The following PITPNB variants were observed in gnomAD, a reference collection of about 807,000 sequenced individuals.
The protein encoded by PITPNB is phosphatidylinositol transfer protein beta.
In PITPNB, 16 loss-of-function variants were observed where a neutral mutation model predicts 45.9. The ratio of observed to expected loss-of-function variants is 0.35; its 90% CI spans 0.24 to 0.53. The LOEUF (loss-of-function observed/expected upper bound fraction) is 0.53, where lower values mean the gene tolerates loss of function less well. PITPNB is among the 20% of genes least tolerant of loss of function. The probability of loss-of-function intolerance (pLI) is 0.93; values close to 1 mark genes in which losing one functional copy is unlikely to be tolerated. For missense variants in PITPNB, 188 were observed against 330.5 expected, an observed-to-expected ratio of 0.57 and a Z score of 3.34; for synonymous variants, 112 against 108.9, an observed-to-expected ratio of 1.03 and a Z score of -0.18.
At chr22:27,875,378 C>T (rs534491039) in intron 7 of PITPNB, among the ~76,000 whole-genome samples, 2 of 152,326 alleles carry the variant, frequency 1.3e-5, no homozygotes, top group African/African-American at 4.8e-5. Context: ...GACTTACTTC[C>T]TATGTCTGGG....
At chr22:27,918,985 A>G (rs1379499420) in intron 1 of PITPNB, 187 bp downstream of exon 1, 2 of 809,356 alleles carry the variant, frequency 2.5e-6, no homozygotes, top group African/African-American at 3.5e-5. Context: ...TACCACGGCA[A>G]TGCCTGGAGG....
chr22:27,876,511 G>T (rs747661190), intron 7 of PITPNB, among the ~76,000 whole-genome samples: 1 of 152,164 alleles, frequency 6.6e-6, no homozygotes, highest in African/African-American at 2.4e-5. Flanking sequence ...TCTGTTTTAC[G>T]TTAGTTTGAA....
chr22:27,853,078 T>G lies in PITPNB; in HGVS notation c.*624A>C, dbSNP rs1190130010. 1.3e-5 allele frequency: 2 copies of G among 152,582 alleles called. No homozygotes were observed. Among genetic ancestry groups the G allele is most frequent in the Non-Finnish European group, 2.9e-5 (2 of 68,070 alleles). The allele number at this position is 152,582 out of a possible 1,614,324, so 9.5% of individuals were successfully genotyped here. On this transcript the variant is annotated 3_prime_UTR_variant, in exon 12 of 12. Transcript: ENST00000335272. ...ATAATGACCATCCAGAAATAAATAG[T>G]TATAAATACATTCAGAGTTTACATC...
intron 3 of PITPNB, among the ~76,000 whole-genome samples, chr22:27,908,106 C>T (rs969745391): frequency 1.3e-5 from 2 of 151,778 alleles, no homozygotes; most frequent in Non-Finnish European, 2.9e-5. Flanking sequence ...TTATCTAGCC[C>T]TCTTCAACTT....
chr22:27,911,003 T>C lies in PITPNB; in HGVS notation c.158A>G (p.Glu53Gly). The stretch of plus-strand genomic sequence containing the variant: ...AATTTTGTGCGTATACTGTCCCTTT[T>C]CTCCATCCTTCTCATAAGGTTCATT... ...LKNEPYEKDGEKGQYTHKIYH... is the reference protein window; with the variant it reads ...LKNEPYEKDGGKGQYTHKIYH... Residue 53 changes from glutamate (E) to glycine (G), a missense_variant, in exon 3 of 12, where the codon GAA becomes GGA. Physicochemically the swap from Glu to Gly is moderately conservative, Grantham distance 98 (BLOSUM62 -2). Coordinates refer to ENST00000335272, the MANE Select transcript of PITPNB (RefSeq NM_012399.5). The C allele has an allele frequency of 6.2e-7, 1 of 1,612,626 alleles. No homozygotes were observed. Among genetic ancestry groups the C allele is most frequent in the Non-Finnish European group, 8.5e-7 (1 of 1,178,686 alleles).
intron 10 of PITPNB, among the ~76,000 whole-genome samples, chr22:27,857,918 AGAG>A (rs141152413): frequency 0.02 from 3,068 of 152,314 alleles, 42 homozygotes; most frequent in Middle Eastern, 0.031. Flanking sequence ...TGGGGGAAGC[AGAG>A]GAGGCATTTC....
chr22:27,882,909 C>T (rs1165743818), intron 7 of PITPNB, among the ~76,000 whole-genome samples: 1 of 152,224 alleles, frequency 6.6e-6, no homozygotes, highest in Non-Finnish European at 1.5e-5. Context: ...GATTTATCCA[C>T]AGTAACACAA....
chr22:27,908,985 C>G (rs1480945157), intron 3 of PITPNB, among the ~76,000 whole-genome samples: 1 of 151,996 alleles, frequency 6.6e-6, no homozygotes, highest in Middle Eastern at 3.2e-3. Context: ...TTATGGGTCA[C>G]TGTAAATCAA....
chr22:27,913,749 G>T (rs929930342), intron 2 of PITPNB, among the ~76,000 whole-genome samples: 3 of 152,186 alleles, frequency 2.0e-5, no homozygotes, highest in Middle Eastern at 3.2e-3. Context: ...AATGTGCTGG[G>T]AATGTTTAAC....
intron 3 of PITPNB, among the ~76,000 whole-genome samples, chr22:27,907,763 A>C (rs1935806557): frequency 6.6e-6 from 1 of 152,134 alleles, no homozygotes; most frequent in Non-Finnish European, 1.5e-5. Flanking sequence ...TGGGATTTGA[A>C]ATCAGAGCAC....
rs141034832 is a variant in PITPNB at position 27,918,170 on chromosome 22, A to T, written c.20+1002T>A. 2.6e-3 allele frequency among the ~76,000 whole-genome samples: 392 copies of T among 152,332 alleles called. 1 individual carries two copies. Among genetic ancestry groups the T allele is most frequent in the Admixed American group, 4.0e-3 (61 of 15,306 alleles). ...CTTTGACTTTTATTCTGGGTGAGAC[A>T]GGGAGTCTTTGGGAGGTATTAAGTC... On this transcript the variant is annotated intron_variant, in intron 1 of 11. Coordinates refer to ENST00000335272, the MANE Select transcript of PITPNB (RefSeq NM_012399.5).
In PITPNB at chr22:27,898,975, T is replaced by TA. The variant is rs1280372423; in HGVS notation, c.198-1084dup. On this transcript the variant is annotated intron_variant, in intron 3 of 11. Coordinates refer to ENST00000335272, the MANE Select transcript of PITPNB (RefSeq NM_012399.5). Reference sequence around the variant, plus strand: ...CTGATATAGTGACTGGAGCCTACTGTAAAGAGTAGTTTTGCTTGCACAGAC... The same window carrying TA: ...CTGATATAGTGACTGGAGCCTACTGTAAAAGAGTAGTTTTGCTTGCACAGAC... Among the ~76,000 whole-genome samples, 5 of 152,348 alleles carry TA rather than the reference T, an allele frequency of 3.3e-5. No homozygotes were observed. In the East Asian group the frequency reaches 9.6e-4, roughly 29 times the overall value.
At chr22:27,867,834 A>C (rs1449126870) in intron 8 of PITPNB, among the ~76,000 whole-genome samples, 3 of 152,006 alleles carry the variant, frequency 2.0e-5, no homozygotes, top group Non-Finnish European at 4.4e-5. Context: ...CATAGCCAAG[A>C]TAAGGTTAGA....
intron 9 of PITPNB, among the ~76,000 whole-genome samples, chr22:27,859,020 T>G (rs1934245970): frequency 6.6e-6 from 1 of 152,180 alleles, no homozygotes; most frequent in Non-Finnish European, 1.5e-5. Flanking sequence ...GCTGCCACTA[T>G]TATAAATATA....
chr22:27,858,478 C>T lies in PITPNB; in HGVS notation c.677G>A (p.Arg226His), dbSNP rs2146346796. Residue 226 changes from arginine to histidine, a missense_variant, in exon 10 of 12, where the codon CGC (arginine) becomes CAC (histidine). Coordinates refer to ENST00000335272, the MANE Select transcript of PITPNB (RefSeq NM_012399.5). ...CTTGTCAATCCAACAAAAAAGCTGG[C>T]GATGGAAGTTTGTAAATATCCGTTT... ...QEKRIFTNFH[R>H]QLFCWIDKWI... 2 of 1,610,506 alleles carry T rather than the reference C, an allele frequency of 1.2e-6. No individual in the cohort carries two copies. Among genetic ancestry groups the T allele is most frequent in the Non-Finnish European group, 1.7e-6 (2 of 1,178,438 alleles).
At chr22:27,861,975 C>T (rs955013155) in intron 8 of PITPNB, among the ~76,000 whole-genome samples, 5 of 152,256 alleles carry the variant, frequency 3.3e-5, no homozygotes, top group Non-Finnish European at 7.4e-5. Flanking sequence ...CGACGGGGAC[C>T]CCTTTTATAA....
intron 8 of PITPNB, among the ~76,000 whole-genome samples, chr22:27,866,195 C>T (rs557671746): frequency 2.6e-5 from 4 of 152,264 alleles, no homozygotes; most frequent in South Asian, 2.1e-4. Flanking sequence ...CTCATTGCTA[C>T]GTAATTTAAA....
chr22:27,889,335 T>C (rs1471948143), intron 7 of PITPNB, among the ~76,000 whole-genome samples: 1 of 152,090 alleles, frequency 6.6e-6, no homozygotes, highest in Non-Finnish European at 1.5e-5. Flanking sequence ...ATGATTCATT[T>C]ATTAACAGGA....
chr22:27,857,196 T>C (rs1934198741), intron 10 of PITPNB, among the ~76,000 whole-genome samples: 1 of 152,214 alleles, frequency 6.6e-6, no homozygotes, highest in African/African-American at 2.4e-5. Flanking sequence ...CCCTAATTTA[T>C]AACATTGTCT....
Sources: allele counts gnomAD v4.1 joint callset (sites outside exome capture counted in the v4.1 genomes callset), GRCh38; gene constraint gnomAD v4.1.1; transcripts MANE v1.5; gene names NCBI Gene and HGNC (gene_info 2026-07-23, HGNC 2026-07-21).